SNX25: variants seen among roughly 807,000 people sequenced by gnomAD.
SNX25 encodes sorting nexin 25, also known as sorting nexin-25.
A neutral mutation model predicts 113.7 loss-of-function variants in SNX25; 62 were observed. That is an observed-to-expected ratio of 0.55 (90% CI 0.44 to 0.67). The LOEUF (loss-of-function observed/expected upper bound fraction) is 0.67, where lower values mean the gene tolerates loss of function less well. SNX25 is among the 30% of genes least tolerant of loss of function. The probability of loss-of-function intolerance (pLI) is 0.00; values close to 1 mark genes in which losing one functional copy is unlikely to be tolerated. For missense variants in SNX25, 1,014 were observed against 1,161.0 expected, an observed-to-expected ratio of 0.87 and a Z score of 1.84; for synonymous variants, 421 against 436.2, an observed-to-expected ratio of 0.97 and a Z score of 0.43.
At chr4:185,236,608 TTGTC>T (rs753382422) in intron 1 of SNX25, among the ~76,000 whole-genome samples, 1 of 152,170 alleles carries the variant, frequency 6.6e-6, no homozygotes, top group African/African-American at 2.4e-5. Context: ...ATTCAAAACA[TTGTC>T]TGAGTCTTTT....
intron 1 of SNX25, among the ~76,000 whole-genome samples, chr4:185,243,477 C>G (rs1337655174): frequency 6.6e-6 from 1 of 152,112 alleles, no homozygotes; most frequent in Admixed American, 6.6e-5. Flanking sequence ...GGGACACACA[C>G]TTGTAGTTCT....
At chr4:185,274,775 A>C (rs1258383589) in intron 5 of SNX25, among the ~76,000 whole-genome samples, 3 of 152,214 alleles carry the variant, frequency 2.0e-5, no homozygotes, top group Non-Finnish European at 2.9e-5. Context: ...ATCTTTCTTG[A>C]TCATTATAAC....
chr4:185,210,522 C>T lies in SNX25; in HGVS notation c.429+267C>T, dbSNP rs1737597721. On this transcript the variant is annotated intron_variant, in intron 1 of 18. Coordinates refer to ENST00000652585, the MANE Select transcript of SNX25 (RefSeq NM_001378034.2). This position sits in a 1 kb window ranked among gnomAD's most constrained non-coding sequence, Gnocchi z 4.4. ...GGCTCTGTAGTCACTCGACAACCAT[C>T]CTCAGTCACAACCCTAAGGGTGTCC... 6.6e-6 allele frequency among the ~76,000 whole-genome samples: 1 copy of T among 152,218 alleles called. No homozygotes were observed. Among genetic ancestry groups the T allele is most frequent in the South Asian group, 2.1e-4 (1 of 4,832 alleles).
At chr4:185,308,952 C>G (rs920914510) in intron 6 of SNX25, among the ~76,000 whole-genome samples, 1 of 152,188 alleles carries the variant, frequency 6.6e-6, no homozygotes, top group Admixed American at 6.5e-5. Context: ...TAACAAACTA[C>G]CCTAAAACAT....
chr4:185,240,202 G>A (rs80181933), intron 1 of SNX25, among the ~76,000 whole-genome samples: 4,064 of 150,506 alleles, frequency 0.027, 124 homozygotes, highest in African/African-American at 0.073. Context: ...CGATTTCTCA[G>A]TCTTTTCCCC....
At chr4:185,268,650 A>C (rs903891561) in intron 5 of SNX25, among the ~76,000 whole-genome samples, 2 of 152,212 alleles carry the variant, frequency 1.3e-5, no homozygotes, top group African/African-American at 4.8e-5. Flanking sequence ...CGAGGTTTTT[A>C]AACTTGTGAC....
intron 6 of SNX25, chr4:185,295,951 T>C (rs1456825729): frequency 6.6e-6 from 1 of 152,216 alleles, no homozygotes; most frequent in African/African-American, 2.4e-5. Context: ...ACTGGGTATT[T>C]ACTATAAAGA....
intron 12 of SNX25, among the ~76,000 whole-genome samples, chr4:185,344,558 C>A (rs531135595): frequency 6.6e-6 from 1 of 152,258 alleles, no homozygotes; most frequent in East Asian, 1.9e-4. Context: ...AGTGGAGGTT[C>A]ACAGCAGATG....
intron 1 of SNX25, among the ~76,000 whole-genome samples, chr4:185,222,210 T>G (rs1236079427): frequency 2.0e-5 from 3 of 151,254 alleles, no homozygotes; most frequent in African/African-American, 7.3e-5. Context: ...TAACCCTCCT[T>G]CATGGCAGGT....
chr4:185,356,165 C>T (rs560685231), intron 15 of SNX25, among the ~76,000 whole-genome samples: 13 of 150,770 alleles, frequency 8.6e-5, no homozygotes, highest in South Asian at 4.2e-4. Flanking sequence ...GTGTGTGTAT[C>T]GGGGGGTTAC....
chr4:185,357,410 C>T (rs150361926), intron 15 of SNX25, among the ~76,000 whole-genome samples: 13 of 152,234 alleles, frequency 8.5e-5, no homozygotes, highest in East Asian at 3.9e-4. Flanking sequence ...GCACTCTTTC[C>T]GCTTGCGAGC....
chr4:185,321,375 C>T (rs772847808), intron 8 of SNX25, among the ~76,000 whole-genome samples: 7 of 151,384 alleles, frequency 4.6e-5, no homozygotes, highest in Non-Finnish European at 8.8e-5. Flanking sequence ...CGGTTCTCCT[C>T]CCTCACACTC....
At chr4:185,371,606 T>G (rs1036634992), downstream of SNX25, among the ~76,000 whole-genome samples, 5 of 149,746 alleles carry the variant, frequency 3.3e-5, no homozygotes, top group African/African-American at 1.2e-4. Context: ...GACACAAATA[T>G]GTACAATTGT....
At chr4:185,344,417 G>A (rs1156397081) in intron 12 of SNX25, among the ~76,000 whole-genome samples, 3 of 152,144 alleles carry the variant, frequency 2.0e-5, no homozygotes, top group South Asian at 4.1e-4. Flanking sequence ...TGTCTGGTCC[G>A]TATCAGGATC....
intron 5 of SNX25, among the ~76,000 whole-genome samples, chr4:185,286,116 T>C (rs763441712): frequency 4.0e-5 from 6 of 151,804 alleles, no homozygotes; most frequent in African/African-American, 7.3e-5. Context: ...TGTTTTGTTT[T>C]GTTATGTGTT....
At chr4:185,213,327 T>C (rs998329441) in intron 1 of SNX25, among the ~76,000 whole-genome samples, 1 of 152,246 alleles carries the variant, frequency 6.6e-6, no homozygotes, top group Non-Finnish European at 1.5e-5. Flanking sequence ...AGAATCACTG[T>C]TGATTAAAGT....
the SNX25 span, chr4:185,376,821 C>T: frequency 3.5e-6 from 3 of 866,994 alleles, no homozygotes; most frequent in Non-Finnish European, 5.6e-6. Context: ...CCTAGTATAA[C>T]ACAGTAAGAA....
At chr4:185,292,485 G>A (rs1312469994) in intron 6 of SNX25, among the ~76,000 whole-genome samples, 6 of 152,160 alleles carry the variant, frequency 3.9e-5, no homozygotes, top group South Asian at 2.1e-4. Context: ...TGCAACTTCC[G>A]CCTCCCAAAT....
At chr4:185,315,666 A>T (rs955260742) in intron 7 of SNX25, among the ~76,000 whole-genome samples, 5 of 152,174 alleles carry the variant, frequency 3.3e-5, no homozygotes, top group Non-Finnish European at 7.3e-5. Context: ...CAAAAAACGG[A>T]GAAGGGAACA....
Sources: gnomAD v4.1 joint callset for allele counts (sites outside exome capture counted in the v4.1 genomes callset) on GRCh38, gnomAD v4.1.1 for gene constraint, Gnocchi (gnomAD v3.1) non-coding constraint, MANE v1.5 for transcripts, NCBI Gene and HGNC (gene_info 2026-07-23, HGNC 2026-07-21) for gene names.